The following MTMR9 variants were observed in gnomAD, a reference collection of about 807,000 sequenced individuals.
The protein encoded by MTMR9 is myotubularin-related protein 9.
Under a neutral mutation model 69.5 loss-of-function variants are expected in MTMR9, and 39 were observed. The ratio of observed to expected loss-of-function variants is 0.56; its 90% CI spans 0.43 to 0.73. The LOEUF is 0.73. Among genes scored for constraint, MTMR9 ranks in the 30% least tolerant of loss-of-function variants. The pLI, the probability that MTMR9 is intolerant of heterozygous loss-of-function variation, is 0.00. For synonymous variants in MTMR9, 354 were observed against 240.8 expected (o/e 1.47, Z -4.35); for missense variants, 900 against 671.2 (o/e 1.34, Z -3.77).
intron 4 of MTMR9, 37 bp from the exon 5 acceptor site, chr8:11,306,153 A>G (rs748738724): frequency 6.3e-7 from 1 of 1,580,262 alleles, no homozygotes; most frequent in Non-Finnish European, 8.7e-7. Flanking sequence ...CTTTAAAAGC[A>G]ACTGCTGTTG....
At chr8:11,290,383 A>T (rs1200011283) in intron 1 of MTMR9, among the ~76,000 whole-genome samples, 1 of 152,092 alleles carries the variant, frequency 6.6e-6, no homozygotes, top group Non-Finnish European at 1.5e-5. Flanking sequence ...TTTAGGCATT[A>T]CGAATGTTTT....
At chr8:11,333,703 AG>A in the MTMR9 span, among the ~76,000 whole-genome samples, 1 of 152,228 alleles carries the variant, frequency 6.6e-6, no homozygotes, top group South Asian at 2.1e-4. Flanking sequence ...AATCTATGTT[AG>A]GGAGCTTGTT....
chr8:11,339,391 T>C, the MTMR9 span, among the ~76,000 whole-genome samples: 1 of 152,244 alleles, frequency 6.6e-6, no homozygotes, highest in Non-Finnish European at 1.5e-5. Context: ...TAATTATTCA[T>C]TCTCTATCAC....
chr8:11,332,124 G>C, downstream of MTMR9: 2 of 1,611,486 alleles, frequency 1.2e-6, no homozygotes, highest in Non-Finnish European at 1.7e-6. Context: ...GGAGGAGTGA[G>C]ATAGAACTTG....
At chr8:11,318,513 T>G (rs1800522449) in intron 8 of MTMR9, 1 of 152,232 alleles carries the variant, frequency 6.6e-6, no homozygotes, top group African/African-American at 2.4e-5. Flanking sequence ...CAAAACTGAT[T>G]TTATAATAAA....
At chr8:11,338,612 G>A in the MTMR9 span, among the ~76,000 whole-genome samples, 8 of 152,342 alleles carry the variant, frequency 5.3e-5, no homozygotes, top group African/African-American at 1.9e-4. Context: ...ATAGACCACG[G>A]CATTCCTATG....
downstream of MTMR9, among the ~76,000 whole-genome samples, chr8:11,329,810 G>C (rs370167869): frequency 1.0e-3 from 153 of 151,632 alleles, 4 homozygotes; most frequent in East Asian, 0.029. Context: ...CTGCCCGGCT[G>C]CCCAGTCTGG....
chr8:11,319,894 T>A lies in MTMR9; in HGVS notation c.1486+56T>A, dbSNP rs1033411396. On this transcript the variant is annotated intron_variant, in intron 9 of 9. Coordinates refer to ENST00000221086, the MANE Select transcript of MTMR9 (RefSeq NM_015458.4). ...ACGGTCAGGTGTGCATGCGGCTGCC[T>A]GTGAGTGTGTGCTGTTGGTGATGTA... 74 of 1,572,982 alleles carry A rather than the reference T, an allele frequency of 4.7e-5. 1 individual carries two copies. The highest frequency in any genetic ancestry group is 6.3e-5 in the Non-Finnish European group (72 of 1,150,224).
At chr8:11,332,580 TAG>T (rs1319457345), downstream of MTMR9, among the ~76,000 whole-genome samples, 2 of 149,992 alleles carry the variant, frequency 1.3e-5, no homozygotes, top group Non-Finnish European at 3.0e-5. Flanking sequence ...AAGGGTTCGA[TAG>T]AGTTTGTTTG....
At position 11,322,841 on chromosome 8, in the gene MTMR9, C is replaced by G; in HGVS notation, c.*53C>G. On this transcript the variant is annotated 3_prime_UTR_variant, in exon 10 of 10. Coordinates refer to ENST00000221086, the MANE Select transcript of MTMR9 (RefSeq NM_015458.4). ...CCTTCTTGGGCCTGTGTCCGCCGTT[C>G]TCTCCTTGTGCCCTTCAGTTCACTT... The G allele has an allele frequency of 1.3e-6, 2 of 1,542,506 alleles. No individual in the cohort carries two copies. Among genetic ancestry groups the G allele is most frequent in the African/African-American group, 1.4e-5 (1 of 72,992 alleles).
At chr8:11,332,222 A>G (rs1801265915), downstream of MTMR9, 1 of 1,483,504 alleles carries the variant, frequency 6.7e-7, no homozygotes, top group Non-Finnish European at 9.0e-7. Context: ...AATTATAATA[A>G]ATCCTAGGAA....
chr8:11,309,123 CA>C, intron 5 of MTMR9, among the ~76,000 whole-genome samples: 1 of 152,218 alleles, frequency 6.6e-6, no homozygotes, highest in South Asian at 2.1e-4. Context: ...AGCTAGAAAA[CA>C]GTGGGATCCA....
the MTMR9 span, among the ~76,000 whole-genome samples, chr8:11,337,903 C>T: frequency 6.6e-6 from 1 of 152,206 alleles, no homozygotes; most frequent in African/African-American, 2.4e-5. Flanking sequence ...TTACTGCCAC[C>T]ACCTCTCAAG....
chr8:11,294,543 C>G (rs1002548209), intron 1 of MTMR9, among the ~76,000 whole-genome samples: 2 of 134,990 alleles, frequency 1.5e-5, no homozygotes, highest in African/African-American at 6.2e-5. Context: ...ACTCTGTCAC[C>G]TAGGCTGGAG....
At chr8:11,337,363 C>A in the MTMR9 span, among the ~76,000 whole-genome samples, 2 of 152,218 alleles carry the variant, frequency 1.3e-5, no homozygotes. Context: ...CAAGGTGCAG[C>A]AACTTCTCTT....
chr8:11,309,715 C>G (rs574801208), intron 6 of MTMR9, 27 bp downstream of exon 6: 2 of 1,607,854 alleles, frequency 1.2e-6, no homozygotes, highest in Admixed American at 3.4e-5. Context: ...CGTTCCTGAG[C>G]GAAACATGGC....
At chr8:11,301,473 C>G (rs1799746520) in intron 3 of MTMR9, among the ~76,000 whole-genome samples, 1 of 152,170 alleles carries the variant, frequency 6.6e-6, no homozygotes, top group African/African-American at 2.4e-5. Context: ...TAAACCTAGA[C>G]CCTTACCTCA....
At chr8:11,334,335 G>C in the MTMR9 span, among the ~76,000 whole-genome samples, 1 of 152,152 alleles carries the variant, frequency 6.6e-6, no homozygotes, top group Non-Finnish European at 1.5e-5. Context: ...AAATGTTATT[G>C]AGCACTCAAT....
At chr8:11,311,689 G>A (rs146694698) in intron 6 of MTMR9, among the ~76,000 whole-genome samples, 34 of 152,170 alleles carry the variant, frequency 2.2e-4, no homozygotes, top group Non-Finnish European at 4.4e-4. Flanking sequence ...TTGAATGGCT[G>A]TGGCAATTTC....
Sources: gnomAD v4.1 joint callset for allele counts (sites outside exome capture counted in the v4.1 genomes callset) on GRCh38, gnomAD v4.1.1 for gene constraint, MANE v1.5 for transcripts, NCBI Gene and HGNC (gene_info 2026-07-23, HGNC 2026-07-21) for gene names.